Variants in EBF1 observed in about 807,000 individuals in gnomAD.
EBF1 encodes the protein EBF transcription factor 1.
EBF1 carries 10 observed loss-of-function variants against 68.4 expected under a neutral mutation model. The ratio of observed to expected loss-of-function variants is 0.15; its 90% CI spans 0.09 to 0.25. The LOEUF (loss-of-function observed/expected upper bound fraction) is 0.25. Ranked by LOEUF, EBF1 falls within the 10% of genes least tolerant of loss-of-function variation. The probability of loss-of-function intolerance (pLI) is 1.00; values close to 1 mark genes in which losing one functional copy is unlikely to be tolerated. For synonymous variants in EBF1, 298 were observed against 299.8 expected (o/e 0.99, Z 0.06); for missense variants, 509 against 794.4 (o/e 0.64, Z 4.32).
chr5:158,854,704 C>T (rs1045952402), intron 6 of EBF1, among the ~76,000 whole-genome samples: 1 of 152,120 alleles, frequency 6.6e-6, no homozygotes, highest in African/African-American at 2.4e-5. Flanking sequence ...ACTGTGGCCT[C>T]AAAAGTCAGC....
chr5:158,969,955 C>T (rs1461445110), intron 6 of EBF1, among the ~76,000 whole-genome samples: 1 of 146,756 alleles, frequency 6.8e-6, no homozygotes, highest in Non-Finnish European at 1.5e-5. Flanking sequence ...TTGCAAACTT[C>T]AAATGCCTAC....
At chr5:158,877,872 C>T (rs548092322) in intron 6 of EBF1, among the ~76,000 whole-genome samples, 16 of 151,910 alleles carry the variant, frequency 1.1e-4, no homozygotes, top group African/African-American at 3.9e-4. Flanking sequence ...CATTTCCGGT[C>T]GCCATATATT....
intron 6 of EBF1, among the ~76,000 whole-genome samples, chr5:158,880,541 C>A (rs1798698921): frequency 6.6e-6 from 1 of 152,178 alleles, no homozygotes; most frequent in African/African-American, 2.4e-5. Flanking sequence ...CGATAGAATC[C>A]TTCAAAGTCC....
chr5:158,798,091 A>G (rs1205651904), intron 8 of EBF1, among the ~76,000 whole-genome samples: 1 of 152,236 alleles, frequency 6.6e-6, no homozygotes, highest in Admixed American at 6.5e-5. Context: ...GAAATAAACT[A>G]TATTTAACAA....
At chr5:158,760,183 GC>G (rs1368904356) in intron 10 of EBF1, among the ~76,000 whole-genome samples, 4 of 152,018 alleles carry the variant, frequency 2.6e-5, no homozygotes, top group African/African-American at 9.7e-5. Flanking sequence ...AAAGTTTCAG[GC>G]CAAATTTATT....
intron 5 of EBF1, among the ~76,000 whole-genome samples, chr5:159,074,671 A>C (rs368215375): frequency 6.6e-6 from 1 of 152,212 alleles, no homozygotes; most frequent in Non-Finnish European, 1.5e-5. Context: ...TTTTCTTGCC[A>C]TAACTATGCC....
intron 11 of EBF1, among the ~76,000 whole-genome samples, chr5:158,717,833 A>G (rs1181603958): frequency 2.6e-5 from 4 of 152,026 alleles, no homozygotes; most frequent in Non-Finnish European, 1.5e-5. Flanking sequence ...AACAACAACT[A>G]CTTTTCACTG....
chr5:158,808,234 C>T (rs1471731966), intron 8 of EBF1, among the ~76,000 whole-genome samples: 3 of 152,148 alleles, frequency 2.0e-5, no homozygotes, highest in Admixed American at 2.0e-4. Flanking sequence ...ACTGACTCAA[C>T]TTCCTCAAAA....
intron 4 of EBF1, among the ~76,000 whole-genome samples, chr5:159,094,671 A>C (rs539603098): frequency 1.3e-5 from 2 of 152,366 alleles, no homozygotes; most frequent in East Asian, 3.9e-4. Flanking sequence ...TCAAGTAAAT[A>C]AATTTTAATC....
At chr5:158,736,516 G>A (rs1212210718) in intron 10 of EBF1, among the ~76,000 whole-genome samples, 1 of 152,138 alleles carries the variant, frequency 6.6e-6, no homozygotes, top group Non-Finnish European at 1.5e-5. Context: ...TATTAGGAAG[G>A]CAATATTAAT....
chr5:158,751,330 G>C (rs1158310926), intron 10 of EBF1, among the ~76,000 whole-genome samples: 6 of 151,958 alleles, frequency 3.9e-5, no homozygotes, highest in African/African-American at 1.5e-4. Flanking sequence ...TAGGACACAT[G>C]TTGCGTTTGC....
At chr5:158,807,228 C>A (rs555801947) in intron 8 of EBF1, among the ~76,000 whole-genome samples, 1 of 152,226 alleles carries the variant, frequency 6.6e-6, no homozygotes, top group South Asian at 2.1e-4. Flanking sequence ...CGATTAATCT[C>A]CAATCCCTCC....
chr5:158,860,686 A>C (rs766155408), intron 6 of EBF1, among the ~76,000 whole-genome samples: 1 of 152,234 alleles, frequency 6.6e-6, no homozygotes, highest in Non-Finnish European at 1.5e-5. Flanking sequence ...TTGTTGCTTA[A>C]GGTTTGGTAA....
chr5:158,746,038 T>C (rs1767483367), intron 10 of EBF1, among the ~76,000 whole-genome samples: 1 of 152,194 alleles, frequency 6.6e-6, no homozygotes. Flanking sequence ...CAGGACATCA[T>C]GGTTAAGTTT....
intron 10 of EBF1, among the ~76,000 whole-genome samples, chr5:158,761,642 A>C (rs1771479401): frequency 6.6e-6 from 1 of 152,216 alleles, no homozygotes; most frequent in Non-Finnish European, 1.5e-5. Flanking sequence ...ATAAAGTAAA[A>C]TCATTTGAAG....
intron 10 of EBF1, among the ~76,000 whole-genome samples, chr5:158,742,511 C>A (rs917988182): frequency 2.6e-5 from 4 of 152,174 alleles, no homozygotes; most frequent in Admixed American, 6.5e-5. Flanking sequence ...AGGCCATGTG[C>A]TAGAAACAGG....
chr5:158,922,003 C>G (rs910598811), intron 6 of EBF1, among the ~76,000 whole-genome samples: 2 of 152,220 alleles, frequency 1.3e-5, no homozygotes, highest in African/African-American at 4.8e-5. Context: ...CAGAGACAGA[C>G]AGCGAAAACT....
chr5:158,897,128 T>G (rs1802328430), intron 6 of EBF1, among the ~76,000 whole-genome samples: 1 of 152,182 alleles, frequency 6.6e-6, no homozygotes, highest in African/African-American at 2.4e-5. Context: ...TGTATGTTCA[T>G]GCAGCACTAT....
chr5:159,004,753 A>G (rs1175064693), intron 6 of EBF1, among the ~76,000 whole-genome samples: 2 of 152,158 alleles, frequency 1.3e-5, no homozygotes, highest in Non-Finnish European at 2.9e-5. Context: ...GCTTCAGGTG[A>G]TAAGATCCTG....
Sources: allele counts gnomAD v4.1 joint callset (sites outside exome capture counted in the v4.1 genomes callset), GRCh38; gene constraint gnomAD v4.1.1; transcripts MANE v1.5; gene names NCBI Gene and HGNC (gene_info 2026-07-23, HGNC 2026-07-21).